SRD5A2: variants seen among roughly 807,000 people sequenced by gnomAD.
The protein encoded by SRD5A2 is 3-oxo-5-alpha-steroid 4-dehydrogenase 2.
SRD5A2 carries 30 observed loss-of-function variants against 27.4 expected under a neutral mutation model. That is an observed-to-expected ratio of 1.10 (90% CI 0.82 to 1.49). SRD5A2 has a LOEUF of 1.49. Ranked by LOEUF, SRD5A2 falls within the 40% of genes most tolerant of loss-of-function variation. The pLI is 0.00. For synonymous variants in SRD5A2, 141 were observed against 133.6 expected (o/e 1.06, Z -0.38); for missense variants, 348 against 323.4 (o/e 1.08, Z -0.58).
chr2:31,554,973 G>GTA (rs755445652), intron 1 of SRD5A2, among the ~76,000 whole-genome samples: 394 of 147,198 alleles, frequency 2.7e-3, no homozygotes, highest in South Asian at 4.1e-3. Context: ...GTGTGTATGT[G>GTA]TGTGTGTGTG....
intron 1 of SRD5A2, among the ~76,000 whole-genome samples, chr2:31,554,769 C>T (rs1392592321): frequency 1.3e-5 from 2 of 152,114 alleles, no homozygotes; most frequent in Non-Finnish European, 2.9e-5. Flanking sequence ...CCTTCCATTA[C>T]TCAAATGGTA....
At chr2:31,607,664 G>A in the SRD5A2 span, among the ~76,000 whole-genome samples, 4 of 152,028 alleles carry the variant, frequency 2.6e-5, no homozygotes, top group East Asian at 5.8e-4. Context: ...GAATCCTGAT[G>A]AAAGTGTGTC....
the SRD5A2 span, among the ~76,000 whole-genome samples, chr2:31,589,714 G>A: frequency 6.6e-6 from 1 of 152,152 alleles, no homozygotes; most frequent in African/African-American, 2.4e-5. Flanking sequence ...TTATAATTTT[G>A]GCTGAGTACG....
the SRD5A2 span, among the ~76,000 whole-genome samples, chr2:31,647,110 A>AT: frequency 1.3e-5 from 2 of 152,062 alleles, no homozygotes; most frequent in African/African-American, 2.4e-5. Flanking sequence ...ACACCACTGC[A>AT]CTCCAGCCTG....
chr2:31,584,954 G>A (rs1356710094), upstream of SRD5A2, among the ~76,000 whole-genome samples: 1 of 152,208 alleles, frequency 6.6e-6, no homozygotes, highest in East Asian at 1.9e-4. Context: ...TCACACCCTG[G>A]CAGCTGTGGT....
chr2:31,538,106 C>T lies in SRD5A2; in HGVS notation c.282-4340G>A, dbSNP rs557296060. ...TTGATATCTCCAGACAGGATATCTG[C>T]AGTCCTTAAACTCAGACTCCTGTGG... is the stretch of plus-strand genomic sequence containing the variant. On this transcript the variant is annotated intron_variant, in intron 1 of 4. Coordinates refer to ENST00000622030, the MANE Select transcript of SRD5A2 (RefSeq NM_000348.4). Among the ~76,000 whole-genome samples, 253 of 152,330 alleles carry T rather than the reference C, an allele frequency of 1.7e-3. 1 individual carries two copies. In the Middle Eastern group the frequency reaches 0.034, roughly 20 times the overall value.
Position 31,525,686 on chromosome 2 carries a change from A to T in SRD5A2, c.*510T>A. 1 of 227,614 alleles carries T rather than the reference A, an allele frequency of 4.4e-6. No homozygotes were observed. The highest frequency in any genetic ancestry group is 8.7e-6 in the Non-Finnish European group (1 of 114,586). 14.1% of individuals were successfully genotyped at this position (227,614 alleles called of 1,614,324 possible). A position where few individuals can be genotyped will look rare whatever the true frequency, so the allele number is the denominator to read the frequency against. On this transcript the variant is annotated 3_prime_UTR_variant, in exon 5 of 5. Transcript: ENST00000622030. ...CATCTTTCCTAATTAACCAAGAAAAAGGAAGCCATGACTGGGGTTTTCATT... is the reference window on the plus strand; with the variant it reads ...CATCTTTCCTAATTAACCAAGAAAATGGAAGCCATGACTGGGGTTTTCATT...
chr2:31,594,740 C>T, the SRD5A2 span, among the ~76,000 whole-genome samples: 1 of 152,040 alleles, frequency 6.6e-6, no homozygotes, highest in Admixed American at 6.6e-5. Flanking sequence ...TCTACCCAAC[C>T]AATGCAGAAT....
Position 31,580,775 on chromosome 2 carries a change from C to T in SRD5A2, c.126G>A (p.Pro42=). The change falls in exon 1 of 5, where the codon CCG becomes CCA. Residue 42 remains proline, a synonymous_variant. Transcript: ENST00000622030. ...CGCGGGCTGGCAGGCGGGTAGCCGC[C>T]GGCTTCAGGCTCTCCGTGTGCTTCC... The part of the protein sequence containing the change: ...GYGKHTESLK[P]AATRLPARAA... The T allele has an allele frequency of 6.2e-7, 1 of 1,611,466 alleles. No homozygotes were observed. The highest frequency in any genetic ancestry group is 2.2e-5 in the East Asian group (1 of 44,844).
the SRD5A2 span, among the ~76,000 whole-genome samples, chr2:31,590,645 A>C: frequency 6.6e-6 from 1 of 152,182 alleles, no homozygotes; most frequent in Non-Finnish European, 1.5e-5. Flanking sequence ...CAAAAGAACA[A>C]AGCTGGAGGC....
At chr2:31,646,261 C>T in the SRD5A2 span, among the ~76,000 whole-genome samples, 18 of 152,054 alleles carry the variant, frequency 1.2e-4, no homozygotes, top group South Asian at 4.2e-4. Flanking sequence ...ATTAAAAAAT[C>T]GCCTTCAAGA....
At chr2:31,575,866 C>A (rs532806974) in intron 1 of SRD5A2, among the ~76,000 whole-genome samples, 146 of 152,278 alleles carry the variant, frequency 9.6e-4, no homozygotes, top group African/African-American at 3.2e-3. Flanking sequence ...AGACATCAGC[C>A]ACCACATGCA....
chr2:31,590,567 T>G, the SRD5A2 span, among the ~76,000 whole-genome samples: 9 of 152,100 alleles, frequency 5.9e-5, no homozygotes, highest in Non-Finnish European at 1.3e-4. Context: ...TTCACAGAAC[T>G]GGAAAAAACT....
chr2:31,654,767 A>G, the SRD5A2 span, among the ~76,000 whole-genome samples: 1 of 152,310 alleles, frequency 6.6e-6, no homozygotes, highest in South Asian at 2.1e-4. Flanking sequence ...TGATGCCAGT[A>G]TCAGGCACAC....
At chr2:31,637,965 T>C in the SRD5A2 span, among the ~76,000 whole-genome samples, 1 of 152,058 alleles carries the variant, frequency 6.6e-6, no homozygotes, top group Non-Finnish European at 1.5e-5. Flanking sequence ...TTCCTTCTAC[T>C]AATTTGGGGT....
the SRD5A2 span, among the ~76,000 whole-genome samples, chr2:31,629,265 C>T: frequency 6.6e-6 from 1 of 152,120 alleles, no homozygotes; most frequent in African/African-American, 2.4e-5. Flanking sequence ...GATTTCATTC[C>T]TTGGAATCCA....
At chr2:31,659,670 A>G in the SRD5A2 span, among the ~76,000 whole-genome samples, 1 of 152,170 alleles carries the variant, frequency 6.6e-6, no homozygotes, top group Non-Finnish European at 1.5e-5. Context: ...TCACTGCACA[A>G]GGAAATCAGA....
intron 1 of SRD5A2, among the ~76,000 whole-genome samples, chr2:31,541,195 A>C (rs1466660330): frequency 6.6e-6 from 1 of 152,200 alleles, no homozygotes; most frequent in African/African-American, 2.4e-5. Flanking sequence ...TTATGTTTAC[A>C]CCTCAGGCTG....
At chr2:31,606,634 CG>C in the SRD5A2 span, among the ~76,000 whole-genome samples, 10 of 151,844 alleles carry the variant, frequency 6.6e-5, no homozygotes, top group Admixed American at 5.3e-4. Context: ...TTATTATGTA[CG>C]GATGACAGAC....
Sources: allele counts gnomAD v4.1 joint callset (sites outside exome capture counted in the v4.1 genomes callset), GRCh38; gene constraint gnomAD v4.1.1; transcripts MANE v1.5; gene names NCBI Gene and HGNC (gene_info 2026-07-23, HGNC 2026-07-21).